The following ANXA7 variants were observed in gnomAD, a reference collection of about 807,000 sequenced individuals.
ANXA7 encodes annexin A7.
Under a neutral mutation model 64.9 loss-of-function variants are expected in ANXA7, and 55 were observed. The ratio of observed to expected loss-of-function variants is 0.85; its 90% CI spans 0.68 to 1.06. The LOEUF (loss-of-function observed/expected upper bound fraction) is 1.06, where lower values mean the gene tolerates loss of function less well. ANXA7 is among the 50% of genes least tolerant of loss of function. The probability of loss-of-function intolerance (pLI) is 0.00; values close to 1 mark genes in which losing one functional copy is unlikely to be tolerated. For missense variants in ANXA7, 548 were observed against 582.1 expected, an observed-to-expected ratio of 0.94 and a Z score of 0.60; for synonymous variants, 200 against 192.4, an observed-to-expected ratio of 1.04 and a Z score of -0.33.
chr10:73,412,372 T>C (rs532941097), intron 1 of ANXA7, among the ~76,000 whole-genome samples: 6 of 152,118 alleles, frequency 3.9e-5, no homozygotes, highest in African/African-American at 1.2e-4. Flanking sequence ...CCTTTTAGAA[T>C]TGTACATATA....
intron 1 of ANXA7, among the ~76,000 whole-genome samples, chr10:73,402,584 G>T (rs966559332): frequency 2.0e-5 from 3 of 152,090 alleles, no homozygotes; most frequent in Non-Finnish European, 2.9e-5. Context: ...TTTTGCTTTT[G>T]ACTTTTAAGG....
chr10:73,413,177 C>T (rs200849304), intron 1 of ANXA7, among the ~76,000 whole-genome samples: 6,812 of 152,210 alleles, frequency 0.045, 458 homozygotes, highest in African/African-American at 0.15. Context: ...ACAGTCCTCA[C>T]TGAAAAGGAC....
At chr10:73,407,378 C>T (rs2055774228) in intron 1 of ANXA7, among the ~76,000 whole-genome samples, 1 of 152,084 alleles carries the variant, frequency 6.6e-6, no homozygotes, top group Non-Finnish European at 1.5e-5. Flanking sequence ...TACCTGGCCT[C>T]AAACTTTAAT....
At chr10:73,376,897 A>C (rs914310271) in intron 12 of ANXA7, among the ~76,000 whole-genome samples, 2 of 152,238 alleles carry the variant, frequency 1.3e-5, no homozygotes, top group Non-Finnish European at 2.9e-5. Flanking sequence ...TGCTAAGTAA[A>C]AGACAACACT....
chr10:73,396,102 G>A (rs768745097), intron 5 of ANXA7: 1 of 1,587,202 alleles, frequency 6.3e-7, no homozygotes, highest in Non-Finnish European at 8.6e-7. Flanking sequence ...AAAAGAATCT[G>A]TATTGATCTG....
chr10:73,403,119 G>A (rs550866898), intron 1 of ANXA7, among the ~76,000 whole-genome samples: 11 of 152,144 alleles, frequency 7.2e-5, no homozygotes, highest in South Asian at 6.2e-4. Flanking sequence ...CACTGCTCCC[G>A]GCACATACTC....
intron 5 of ANXA7, among the ~76,000 whole-genome samples, chr10:73,390,721 A>ATATATATATATATATATATATATATATAT (rs1564526498): frequency 9.3e-6 from 1 of 107,746 alleles, no homozygotes; most frequent in Non-Finnish European, 1.8e-5. Context: ...TATATATATA[A>ATATATATATATATATATATATATATATAT]AAATATATAT....
intron 5 of ANXA7, 79 bp downstream of exon 5, chr10:73,396,440 C>T (rs1167177012): frequency 6.7e-6 from 7 of 1,037,652 alleles, no homozygotes; most frequent in African/African-American, 4.8e-5. Flanking sequence ...TTCCTCCGAC[C>T]CATGGAAACC....
At chr10:73,399,210 C>T (rs184997426) in intron 2 of ANXA7, among the ~76,000 whole-genome samples, 88 of 152,188 alleles carry the variant, frequency 5.8e-4, no homozygotes, top group African/African-American at 2.0e-3. Flanking sequence ...AACAAAGCCT[C>T]GTCCCACCCA....
At chr10:73,376,618 CA>C (rs1396178246) in intron 12 of ANXA7, among the ~76,000 whole-genome samples, 1 of 152,022 alleles carries the variant, frequency 6.6e-6, no homozygotes, top group Non-Finnish European at 1.5e-5. Context: ...TTCCTCAAAG[CA>C]AAACAAAAAC....
At chr10:73,400,725 TATCTGTAAGATCTGAC>T (rs2098491424) in intron 2 of ANXA7, 62 bp downstream of exon 2, 1 of 1,178,702 alleles carries the variant, frequency 8.5e-7, no homozygotes, top group Non-Finnish European at 1.2e-6. Flanking sequence ...TGCTCAAGCA[TATCTGTAAGATCTGAC>T]ATGGGCCAGT....
At chr10:73,381,693 A>C (rs942237009) in intron 9 of ANXA7, 2 of 152,184 alleles carry the variant, frequency 1.3e-5, no homozygotes, top group African/African-American at 4.8e-5. Context: ...ACTCTGCATA[A>C]AGAGAGACTC....
intron 9 of ANXA7, among the ~76,000 whole-genome samples, chr10:73,382,853 T>C (rs1207894661): frequency 1.3e-5 from 2 of 152,180 alleles, no homozygotes; most frequent in African/African-American, 4.8e-5. Flanking sequence ...CTTCACTTGA[T>C]GGTGGGGCAT....
intron 5 of ANXA7, among the ~76,000 whole-genome samples, chr10:73,392,740 A>G (rs1195450646): frequency 3.3e-5 from 5 of 152,190 alleles, no homozygotes. Context: ...TCCACAGCCA[A>G]TATCATACTG....
chr10:73,402,501 T>G (rs1185735908), intron 1 of ANXA7, among the ~76,000 whole-genome samples: 1 of 152,180 alleles, frequency 6.6e-6, no homozygotes, highest in African/African-American at 2.4e-5. Context: ...AATTACTGTT[T>G]TAACGACATT....
intron 1 of ANXA7, among the ~76,000 whole-genome samples, chr10:73,411,429 A>T (rs185503720): frequency 5.3e-5 from 8 of 152,226 alleles, no homozygotes; most frequent in Non-Finnish European, 5.9e-5. Context: ...TTGTACTCCA[A>T]AAGCTGTTGA....
intron 1 of ANXA7, among the ~76,000 whole-genome samples, chr10:73,405,564 C>T (rs1419429706): frequency 6.6e-6 from 1 of 152,104 alleles, no homozygotes; most frequent in Non-Finnish European, 1.5e-5. Flanking sequence ...ATCTAAAATA[C>T]TATTAGTGAT....
At chr10:73,383,878 T>C (rs988557476) in intron 7 of ANXA7, among the ~76,000 whole-genome samples, 188 bp from the exon 8 acceptor site, 1 of 152,064 alleles carries the variant, frequency 6.6e-6, no homozygotes, top group Non-Finnish European at 1.5e-5. Context: ...TCCCAGCACT[T>C]TGGGAGGTCA....
At chr10:73,407,983 T>C (rs2132702631) in intron 1 of ANXA7, among the ~76,000 whole-genome samples, 1 of 152,230 alleles carries the variant, frequency 6.6e-6, no homozygotes, top group Non-Finnish European at 1.5e-5. Flanking sequence ...TTTCTAAGCC[T>C]GGGTTTGTAT....
Sources: allele counts gnomAD v4.1 joint callset (sites outside exome capture counted in the v4.1 genomes callset), GRCh38; gene constraint gnomAD v4.1.1; transcripts MANE v1.5; gene names NCBI Gene and HGNC (gene_info 2026-07-23, HGNC 2026-07-21).